Variants in GRM8 observed in about 807,000 individuals in gnomAD.
GRM8 encodes the protein metabotropic glutamate receptor 8.
A neutral mutation model predicts 87.2 loss-of-function variants in GRM8; 47 were observed. The observed-to-expected ratio is 0.54, with a 90% CI of 0.43 to 0.69. GRM8 has a LOEUF of 0.69. Ranked by LOEUF, GRM8 falls within the 30% of genes least tolerant of loss-of-function variation. The pLI is 0.00. For synonymous variants in GRM8, 396 were observed against 404.5 expected, an observed-to-expected ratio of 0.98 and a Z score of 0.25; for missense variants, 1,019 against 1,139.2, an observed-to-expected ratio of 0.89 and a Z score of 1.52.
intron 7 of GRM8, among the ~76,000 whole-genome samples, chr7:126,671,652 C>T (rs190588163): frequency 6.6e-6 from 1 of 152,326 alleles, no homozygotes; most frequent in Non-Finnish European, 1.5e-5. Context: ...ATGTAGAAAT[C>T]TGGATCAATA....
intron 2 of GRM8, among the ~76,000 whole-genome samples, chr7:127,126,525 G>A (rs988973070): frequency 6.6e-6 from 1 of 151,830 alleles, no homozygotes; most frequent in African/African-American, 2.4e-5. Context: ...TGGGTACAAT[G>A]AACATTATTC....
At chr7:126,632,379 A>G (rs1040215214) in intron 7 of GRM8, among the ~76,000 whole-genome samples, 1 of 152,172 alleles carries the variant, frequency 6.6e-6, no homozygotes, top group African/African-American at 2.4e-5. Flanking sequence ...AAGTCAAGAA[A>G]CAACAGATGC....
chr7:126,982,257 C>T (rs1374964345), intron 3 of GRM8, among the ~76,000 whole-genome samples: 1 of 152,060 alleles, frequency 6.6e-6, no homozygotes, highest in Non-Finnish European at 1.5e-5. Context: ...TAGATGGTGC[C>T]TATCCAGATT....
intron 6 of GRM8, among the ~76,000 whole-genome samples, chr7:126,888,933 G>C (rs185492311): frequency 6.6e-6 from 1 of 152,002 alleles, no homozygotes; most frequent in East Asian, 1.9e-4. Context: ...GCAGCTAAAG[G>C]TTATATATGG....
chr7:126,497,336 C>A (rs1314133502), intron 9 of GRM8, among the ~76,000 whole-genome samples: 1 of 151,906 alleles, frequency 6.6e-6, no homozygotes, highest in Non-Finnish European at 1.5e-5. Flanking sequence ...AACTTGGGAG[C>A]AACAACAGTG....
At chr7:126,721,043 C>G (rs1812338692) in intron 7 of GRM8, among the ~76,000 whole-genome samples, 3 of 152,222 alleles carry the variant, frequency 2.0e-5, no homozygotes, top group Admixed American at 2.0e-4. Context: ...GCTGACATCT[C>G]ATCAGCACTA....
intron 3 of GRM8, among the ~76,000 whole-genome samples, chr7:126,923,710 G>T (rs1223364178): frequency 2.0e-5 from 3 of 152,140 alleles, no homozygotes; most frequent in Non-Finnish European, 2.9e-5. Flanking sequence ...TAGCTATGAA[G>T]TATGCGAGTT....
intron 9 of GRM8, chr7:126,511,869 A>G (rs563369524): frequency 1.6e-4 from 24 of 152,258 alleles, no homozygotes; most frequent in Admixed American, 8.5e-4. Flanking sequence ...AGAAAAAATA[A>G]AAGTAAAATA....
At chr7:126,917,246 G>A (rs774606883) in intron 3 of GRM8, among the ~76,000 whole-genome samples, 2 of 152,098 alleles carry the variant, frequency 1.3e-5, no homozygotes, top group Admixed American at 6.5e-5. Context: ...AAAGTGCTGG[G>A]ATTACAGGTG....
chr7:126,614,815 G>A (rs1480034163), intron 7 of GRM8, among the ~76,000 whole-genome samples: 1 of 152,186 alleles, frequency 6.6e-6, no homozygotes, highest in Non-Finnish European at 1.5e-5. Flanking sequence ...GAGAACAGAA[G>A]TTTAGAGAAA....
At chr7:127,016,493 A>C (rs980001523) in intron 3 of GRM8, among the ~76,000 whole-genome samples, 3 of 152,108 alleles carry the variant, frequency 2.0e-5, no homozygotes, top group African/African-American at 7.2e-5. Context: ...GAATGATATA[A>C]TCGTGTTACT....
chr7:126,953,518 AGT>A (rs1808367740), intron 3 of GRM8, among the ~76,000 whole-genome samples: 1 of 152,132 alleles, frequency 6.6e-6, no homozygotes, highest in Non-Finnish European at 1.5e-5. Context: ...CGACTTGGGC[AGT>A]GTATTTCACT....
chr7:126,636,121 C>T (rs1801828963), intron 7 of GRM8, among the ~76,000 whole-genome samples: 1 of 151,970 alleles, frequency 6.6e-6, no homozygotes, highest in African/African-American at 2.4e-5. Context: ...TTGCTAAATG[C>T]TTTATGCATT....
intron 7 of GRM8, among the ~76,000 whole-genome samples, chr7:126,678,642 G>A (rs1340728533): frequency 6.6e-6 from 1 of 152,140 alleles, no homozygotes; most frequent in Non-Finnish European, 1.5e-5. Context: ...AAATTATTTT[G>A]TAAACAGTTT....
intron 6 of GRM8, among the ~76,000 whole-genome samples, chr7:126,838,590 C>T (rs972243732): frequency 6.6e-6 from 1 of 152,186 alleles, no homozygotes; most frequent in Non-Finnish European, 1.5e-5. Context: ...TGCTTTTCTT[C>T]TATATCCCAC....
chr7:127,166,556 A>G (rs1025148473), intron 2 of GRM8, among the ~76,000 whole-genome samples: 2 of 152,186 alleles, frequency 1.3e-5, no homozygotes, highest in Admixed American at 1.3e-4. Flanking sequence ...TGGCTCATGC[A>G]CAAAACATTC....
intron 8 of GRM8, among the ~76,000 whole-genome samples, chr7:126,545,800 C>A (rs958003726): frequency 1.3e-5 from 2 of 152,154 alleles, no homozygotes; most frequent in African/African-American, 4.8e-5. Flanking sequence ...AATGGCAATT[C>A]TGCAAATTTT....
At chr7:126,930,939 C>T (rs1652470162) in intron 3 of GRM8, among the ~76,000 whole-genome samples, 1 of 152,180 alleles carries the variant, frequency 6.6e-6, no homozygotes, top group African/African-American at 2.4e-5. Flanking sequence ...TACCCCCTCA[C>T]TTCTGCTTCC....
At chr7:126,985,423 T>G (rs1327756791) in intron 3 of GRM8, among the ~76,000 whole-genome samples, 1 of 152,150 alleles carries the variant, frequency 6.6e-6, no homozygotes, top group Non-Finnish European at 1.5e-5. Context: ...AAACTAAATG[T>G]TTTTCTCTTA....
Sources: gnomAD v4.1 joint callset for allele counts (sites outside exome capture counted in the v4.1 genomes callset) on GRCh38, gnomAD v4.1.1 for gene constraint, MANE v1.5 for transcripts, NCBI Gene and HGNC (gene_info 2026-07-23, HGNC 2026-07-21) for gene names.